The following KAZN variants were observed in gnomAD, a reference collection of about 807,000 sequenced individuals.
The protein encoded by KAZN is kazrin.
A neutral mutation model predicts 87.4 loss-of-function variants in KAZN; 40 were observed. That is an observed-to-expected ratio of 0.46 (90% CI 0.36 to 0.60). KAZN has a LOEUF of 0.60. KAZN is among the 20% of genes least tolerant of loss of function. The pLI is 0.00. For missense variants in KAZN, 898 were observed against 1,073.9 expected (o/e 0.84, Z 2.29); for synonymous variants, 466 against 458.3 (o/e 1.02, Z -0.22).
intron 1 of KAZN, among the ~76,000 whole-genome samples, chr1:14,681,131 G>A (rs1040812058): frequency 4.6e-5 from 7 of 152,074 alleles, no homozygotes; most frequent in Admixed American, 1.3e-4. Flanking sequence ...CATTCCTGAG[G>A]GATCCGCCCC....
chr1:14,361,498 G>A (rs1659508456), intron 2 of KAZN, among the ~76,000 whole-genome samples: 1 of 152,216 alleles, frequency 6.6e-6, no homozygotes, highest in Admixed American at 6.5e-5. Flanking sequence ...ACTAGGGTAT[G>A]AAAAAAACTG....
At chr1:14,037,992 A>G (rs777403727) in intron 1 of KAZN, among the ~76,000 whole-genome samples, 1 of 152,140 alleles carries the variant, frequency 6.6e-6, no homozygotes, top group African/African-American at 2.4e-5. Flanking sequence ...TAAGGAAGGG[A>G]TTAAATTCAC....
intron 1 of KAZN, among the ~76,000 whole-genome samples, chr1:14,757,909 G>T (rs1188212241): frequency 1.3e-5 from 2 of 152,144 alleles, no homozygotes; most frequent in African/African-American, 4.8e-5. Context: ...AGGGAGGGAG[G>T]AAAGAGAGAG....
At chr1:13,942,847 A>G (rs1640991485) in intron 1 of KAZN, among the ~76,000 whole-genome samples, 1 of 152,224 alleles carries the variant, frequency 6.6e-6, no homozygotes, top group African/African-American at 2.4e-5. Context: ...ACTTTAGCTA[A>G]AATTAATTCA....
intron 2 of KAZN, among the ~76,000 whole-genome samples, chr1:14,580,964 TG>T (rs1231666622): frequency 6.6e-6 from 1 of 152,180 alleles, no homozygotes; most frequent in Admixed American, 6.5e-5. Flanking sequence ...CGGTCTTTTT[TG>T]CTTGTGTCTC....
intron 1 of KAZN, among the ~76,000 whole-genome samples, chr1:13,895,354 T>C (rs1247863018): frequency 1.3e-5 from 2 of 152,164 alleles, no homozygotes; most frequent in Non-Finnish European, 2.9e-5. Flanking sequence ...GAGGATCCTG[T>C]GGGAAGGCAC....
intron 2 of KAZN, among the ~76,000 whole-genome samples, chr1:15,005,455 CTGTTTTGTTT>C (rs766143797): frequency 1.3e-5 from 2 of 152,220 alleles, no homozygotes; most frequent in South Asian, 4.2e-4. Context: ...CCACCCCTTC[CTGTTTTGTTT>C]TGTTTTGTTT....
At chr1:13,983,373 G>T (rs971345401) in intron 1 of KAZN, among the ~76,000 whole-genome samples, 1 of 152,208 alleles carries the variant, frequency 6.6e-6, no homozygotes, top group African/African-American at 2.4e-5. Flanking sequence ...ACTGCTGGGG[G>T]ACCCAGTACA....
At chr1:14,659,299 A>G (rs1572157133) in intron 1 of KAZN, among the ~76,000 whole-genome samples, 1 of 152,150 alleles carries the variant, frequency 6.6e-6, no homozygotes, top group African/African-American at 2.4e-5. Flanking sequence ...GAATCTAGCC[A>G]AAGGAATGTA....
intron 2 of KAZN, among the ~76,000 whole-genome samples, chr1:14,308,593 G>A (rs1389917245): frequency 6.6e-6 from 1 of 152,160 alleles, no homozygotes; most frequent in Non-Finnish European, 1.5e-5. Context: ...TACTGAAATT[G>A]TACTGCCTGG....
intron 2 of KAZN, among the ~76,000 whole-genome samples, chr1:14,499,289 A>G (rs1191906640): frequency 6.6e-6 from 1 of 152,156 alleles, no homozygotes; most frequent in Non-Finnish European, 1.5e-5. Context: ...GACCGCTTCT[A>G]CAATCCCCAT....
intron 3 of KAZN, among the ~76,000 whole-genome samples, chr1:15,035,880 A>G (rs1672209024): frequency 6.6e-6 from 1 of 152,094 alleles, no homozygotes; most frequent in South Asian, 2.1e-4. Flanking sequence ...AGCCCTTGTC[A>G]CAGGGTGTTC....
intron 1 of KAZN, among the ~76,000 whole-genome samples, chr1:14,012,788 C>A (rs993954990): frequency 6.6e-6 from 1 of 152,152 alleles, no homozygotes; most frequent in Non-Finnish European, 1.5e-5. Context: ...GAGATTGCAC[C>A]ACTTCATTCC....
chr1:14,918,014 G>T (rs1212387865), intron 1 of KAZN, among the ~76,000 whole-genome samples: 2 of 152,128 alleles, frequency 1.3e-5, no homozygotes, highest in East Asian at 3.9e-4. Context: ...GAGTAGCTGG[G>T]ATTACAAGCA....
At chr1:14,972,674 C>A (rs931032904) in intron 2 of KAZN, among the ~76,000 whole-genome samples, 5 of 152,102 alleles carry the variant, frequency 3.3e-5, no homozygotes, top group Non-Finnish European at 7.4e-5. Flanking sequence ...GCCACCACGC[C>A]CGGCTAATTT....
At chr1:14,512,017 T>C (rs12038215) in intron 2 of KAZN, among the ~76,000 whole-genome samples, 24,940 of 152,062 alleles carry the variant, frequency 0.16, 3,502 homozygotes, top group African/African-American at 0.38. Context: ...AGGATGGAAT[T>C]CTTCTGGAGA....
At chr1:15,004,072 A>G (rs1307152093) in intron 2 of KAZN, among the ~76,000 whole-genome samples, 2 of 152,198 alleles carry the variant, frequency 1.3e-5, no homozygotes, top group Non-Finnish European at 2.9e-5. Context: ...ACCTAGGTCA[A>G]AGACAAAGTG....
intron 1 of KAZN, among the ~76,000 whole-genome samples, chr1:14,889,016 A>T (rs1200561924): frequency 6.6e-6 from 1 of 152,252 alleles, no homozygotes; most frequent in African/African-American, 2.4e-5. Context: ...ATGAGTTTTT[A>T]AAAATCGCAA....
At chr1:14,979,237 C>T (rs1349950403) in intron 2 of KAZN, among the ~76,000 whole-genome samples, 2 of 151,648 alleles carry the variant, frequency 1.3e-5, no homozygotes, top group South Asian at 2.1e-4. Flanking sequence ...TGTGAAACCC[C>T]GTCTCTACTA....
Sources: allele counts gnomAD v4.1 joint callset (sites outside exome capture counted in the v4.1 genomes callset), GRCh38; gene constraint gnomAD v4.1.1; transcripts MANE v1.5; gene names NCBI Gene and HGNC (gene_info 2026-07-23, HGNC 2026-07-21).